Variants in SYNE1 observed in about 807,000 individuals in gnomAD.
The protein encoded by SYNE1 is nesprin-1.
SYNE1 carries 616 observed loss-of-function variants against 1,111.0 expected under a neutral mutation model. That is an observed-to-expected ratio of 0.55 (90% confidence interval 0.52 to 0.59). SYNE1 has a LOEUF of 0.59. Ranked by LOEUF, SYNE1 falls within the 20% of genes least tolerant of loss-of-function variation. The pLI is 0.00. For missense variants in SYNE1, 10,006 were observed against 10,417.0 expected (o/e 0.96, Z 1.72); for synonymous variants, 3,855 against 3,825.8 (o/e 1.01, Z -0.28).
chr6:152,398,093 A>C (rs2097763568), intron 49 of SYNE1, among the ~76,000 whole-genome samples: 2 of 152,100 alleles, frequency 1.3e-5, no homozygotes, highest in Non-Finnish European at 2.9e-5. Context: ...CCAAAACCTA[A>C]CTTGAGCCTA....
At position 152,354,967 on chromosome 6, in the gene SYNE1, C is replaced by G; in HGVS notation, c.10618G>C (p.Val3540Leu). ...AGGGCCTGCCCCTCTGCACAGTGTA[C>G]CTGTAGCTCCTGCAGAGAAAAAGGT... ...TTLRDLQELQVHCAEGQALLN... is the reference protein window; with the variant it reads ...TTLRDLQELQLHCAEGQALLN... Residue 3540 changes from valine to leucine, a missense_variant, in exon 67 of 146, where the codon GTA (valine) becomes CTA (leucine). This residue lies in a region of SYNE1 where 4,955 missense variants were observed against 5,017.2 expected (regional missense o/e 0.99). Transcript: ENST00000367255. The G allele has an allele frequency of 6.2e-7, 1 of 1,613,888 alleles. No individual in the cohort carries two copies. Among genetic ancestry groups the G allele is most frequent in the Non-Finnish European group, 8.5e-7 (1 of 1,180,032 alleles).
chr6:152,145,390 G>A, intron 137 of SYNE1: 1 of 1,197,982 alleles, frequency 8.3e-7, no homozygotes, highest in South Asian at 1.3e-5. Context: ...TAACATGCTA[G>A]AGCCACAAAG....
chr6:152,458,966 C>T (rs764710853), intron 21 of SYNE1, 36 bp from the exon 22 acceptor site: 1 of 1,590,894 alleles, frequency 6.3e-7, no homozygotes, highest in African/African-American at 1.3e-5. Context: ...CCATGAAAGA[C>T]CATTAAGTGC....
At chr6:152,594,723 A>C (rs562917037) in intron 3 of SYNE1, among the ~76,000 whole-genome samples, 2 of 152,134 alleles carry the variant, frequency 1.3e-5, no homozygotes, top group East Asian at 3.9e-4. Context: ...TGTACAAAAA[A>C]CTCTTCCAAG....
chr6:152,240,125 G>C (rs575943795), intron 107 of SYNE1, among the ~76,000 whole-genome samples: 1 of 152,252 alleles, frequency 6.6e-6, no homozygotes, highest in African/African-American at 2.4e-5. Flanking sequence ...AGGAGTCCTT[G>C]ACCAGGACAA....
In SYNE1 at chr6:152,359,471, T is replaced by C. The variant is rs767602666; in HGVS notation, c.10300-13A>G. The C allele has an allele frequency of 6.2e-7, 1 of 1,614,138 alleles. No individual in the cohort carries two copies. Among genetic ancestry groups the C allele is most frequent in the Non-Finnish European group, 8.5e-7 (1 of 1,180,014 alleles). On this transcript the variant is annotated splice_polypyrimidine_tract_variant and intron_variant, in intron 64 of 145. Coordinates refer to ENST00000367255, the MANE Select transcript of SYNE1 (RefSeq NM_182961.4). Reference sequence around the variant, plus strand: ...CTTCATTTAATAACTAGAGAGCATTTAAGAAAAATAAAGTGGCCATTCATG... The same window carrying C: ...CTTCATTTAATAACTAGAGAGCATTCAAGAAAAATAAAGTGGCCATTCATG...
At position 152,255,677 on chromosome 6, in the gene SYNE1, T is replaced by C. The variant is rs2090638882; in HGVS notation, c.19174A>G (p.Thr6392Ala). Residue 6392 changes from threonine to alanine, a missense_variant, in exon 103 of 146, where the codon ACT (threonine) becomes GCT (alanine). This residue lies in a region of SYNE1 where 2,182 missense variants were observed against 2,287.8 expected (regional missense o/e 0.95). Coordinates refer to ENST00000367255, the MANE Select transcript of SYNE1 (RefSeq NM_182961.4). ...CGTTCTTCAACGTCATCCAACCAAG[T>C]AGAGGTGGCTGAGACTCCATCATAC... Reference protein sequence around the residue: ...KLYDGVSATSTWLDDVEERLF... With the variant: ...KLYDGVSATSAWLDDVEERLF... The C allele has an allele frequency of 2.5e-6, 4 of 1,614,190 alleles. No homozygotes were observed. Among genetic ancestry groups the C allele is most frequent in the East Asian group, 2.2e-5 (1 of 44,880 alleles).
chr6:152,285,940 T>A (rs2094302531), intron 95 of SYNE1, among the ~76,000 whole-genome samples: 1 of 152,222 alleles, frequency 6.6e-6, no homozygotes, highest in African/African-American at 2.4e-5. Context: ...GCGGCAACTA[T>A]GATTTCAAGT....
chr6:152,293,807 A>T (rs2094726677), intron 94 of SYNE1, 58 bp from the exon 95 acceptor site: 1 of 1,613,114 alleles, frequency 6.2e-7, no homozygotes, highest in Non-Finnish European at 8.5e-7. Flanking sequence ...TTCAGATTAC[A>T]ACATTTCTTT....
rs79237851 is a variant in SYNE1 at position 152,542,966 on chromosome 6, C to T, written c.68-2945G>A. On this transcript the variant is annotated intron_variant, in intron 3 of 145. Transcript: ENST00000367255. ...TTCTTTTATAAACATCACAAAATAC[C>T]ACTGTTTAAAAATGTTAATATAAAT... Among the ~76,000 whole-genome samples the T allele has an allele frequency of 7.8e-3, 1,182 of 151,932 alleles. 21 individuals are homozygous for T. Among genetic ancestry groups the T allele is most frequent in the African/African-American group, 0.027 (1,128 of 41,452 alleles).
chr6:152,447,189 A>G (rs1440303943), intron 29 of SYNE1, among the ~76,000 whole-genome samples: 2 of 152,216 alleles, frequency 1.3e-5, no homozygotes, highest in African/African-American at 4.8e-5. Context: ...AATGCTTTTT[A>G]TAAGAGTAAA....
At chr6:152,231,275 G>T in intron 114 of SYNE1, 116 bp downstream of exon 114, 3 of 1,058,998 alleles carry the variant, frequency 2.8e-6, no homozygotes, top group Non-Finnish European at 2.9e-6. Flanking sequence ...CGGTATTATT[G>T]GAAGCGTTCT....
At chr6:152,406,084 T>C (rs1446049131) in intron 45 of SYNE1, among the ~76,000 whole-genome samples, 2 of 152,144 alleles carry the variant, frequency 1.3e-5, no homozygotes, top group Non-Finnish European at 2.9e-5. Flanking sequence ...GTGCCTGACA[T>C]ATCTTAGGTG....
At chr6:152,173,326 T>C (rs1233727040) in intron 130 of SYNE1, among the ~76,000 whole-genome samples, 1 of 152,234 alleles carries the variant, frequency 6.6e-6, no homozygotes, top group African/African-American at 2.4e-5. Context: ...ACAGTTCATG[T>C]TTCTATTAGC....
chr6:152,275,226 A>G (rs934931732), intron 98 of SYNE1, among the ~76,000 whole-genome samples: 5 of 152,290 alleles, frequency 3.3e-5, no homozygotes, highest in African/African-American at 9.6e-5. Flanking sequence ...GTTTAAAAGA[A>G]GCTATAAAAT....
chr6:152,202,346 C>CAAAAAAAAAAAAAAAAAA (rs35563822), intron 126 of SYNE1, among the ~76,000 whole-genome samples: 1 of 48,042 alleles, frequency 2.1e-5, no homozygotes, highest in Non-Finnish European at 3.9e-5. Flanking sequence ...GACTCTGTCT[C>CAAAAAAAAAAAAAAAAAA]AAAAAAAAAA....
At chr6:152,227,170 A>ATTATGGTTC (rs2081780982) in intron 115 of SYNE1, among the ~76,000 whole-genome samples, 1 of 152,104 alleles carries the variant, frequency 6.6e-6, no homozygotes, top group African/African-American at 2.4e-5. Context: ...TTCTGTTTCT[A>ATTATGGTTC]TTATGGTTCA....
At chr6:152,377,320 ATATT>A (rs1047748863) in intron 56 of SYNE1, among the ~76,000 whole-genome samples, 1 of 152,012 alleles carries the variant, frequency 6.6e-6, no homozygotes, top group Non-Finnish European at 1.5e-5. Flanking sequence ...TTAAATATAT[ATATT>A]AAGGGCCGGG....
At position 152,488,392 on chromosome 6, in the gene SYNE1, A is replaced by G. The variant is rs9397106; in HGVS notation, c.1047+4T>C. ...AAAATTCAAAAATCTTCTCCATACA[A>G]TACCTGATATTTATCCTGTAAATTT... On this transcript the variant is annotated splice_donor_region_variant and intron_variant, in intron 12 of 145. Coordinates refer to ENST00000367255, the MANE Select transcript of SYNE1 (RefSeq NM_182961.4). 1.3e-6 allele frequency: 2 copies of G among 1,525,942 alleles called. No individual in the cohort carries two copies. The highest frequency in any genetic ancestry group is 1.8e-6 in the Non-Finnish European group (2 of 1,102,682). 94.5% of individuals were successfully genotyped at this position (1,525,942 alleles called of 1,614,324 possible).
Sources: gnomAD v4.1 joint callset for allele counts (sites outside exome capture counted in the v4.1 genomes callset) on GRCh38, gnomAD v4.1.1 for gene constraint, gnomAD v4.1.1 regional missense constraint, MANE v1.5 for transcripts, NCBI Gene and HGNC (gene_info 2026-07-23, HGNC 2026-07-21) for gene names.